The following ESRRG variants were observed in gnomAD, a reference collection of about 807,000 sequenced individuals.
ESRRG encodes estrogen-related receptor gamma.
ESRRG carries 13 observed loss-of-function variants against 44.0 expected under a neutral mutation model. That is an observed-to-expected ratio of 0.30 (90% confidence interval 0.19 to 0.47). The LOEUF (loss-of-function observed/expected upper bound fraction) is 0.47. ESRRG is among the 20% of genes least tolerant of loss of function. The probability of loss-of-function intolerance (pLI) is 1.00; values close to 1 mark genes in which losing one functional copy is unlikely to be tolerated. For missense variants in ESRRG, 395 were observed against 580.6 expected (o/e 0.68, Z 3.29); for synonymous variants, 215 against 214.6 (o/e 1.00, Z -0.02).
chr1:217,119,427 A>T (rs1481675125), intron 1 of ESRRG, among the ~76,000 whole-genome samples: 3 of 152,210 alleles, frequency 2.0e-5, no homozygotes, highest in Non-Finnish European at 4.4e-5. Context: ...GACCATGTAA[A>T]TCTGAATCCC....
chr1:216,907,346 G>T (rs140558612), intron 2 of ESRRG, among the ~76,000 whole-genome samples: 4 of 152,286 alleles, frequency 2.6e-5, no homozygotes, highest in African/African-American at 9.6e-5. Context: ...ACATTAACCA[G>T]ATAATTAATA....
intron 1 of ESRRG, among the ~76,000 whole-genome samples, chr1:217,107,634 C>T (rs1043607147): frequency 1.1e-4 from 16 of 152,158 alleles, no homozygotes; most frequent in African/African-American, 3.9e-4. Context: ...AAGGAAGTTA[C>T]CTATTAGATA....
intron 2 of ESRRG, among the ~76,000 whole-genome samples, chr1:216,738,381 G>C (rs950812504): frequency 1.3e-5 from 2 of 151,964 alleles, no homozygotes; most frequent in Admixed American, 6.6e-5. Context: ...AAGCAACTAA[G>C]GAGAAAAAAG....
intron 2 of ESRRG, among the ~76,000 whole-genome samples, chr1:216,823,776 G>A (rs1306662653): frequency 6.6e-6 from 1 of 152,102 alleles, no homozygotes; most frequent in Non-Finnish European, 1.5e-5. Flanking sequence ...CAAGGCATTA[G>A]ACTAAAATAG....
chr1:216,924,003 G>T (rs914277407), intron 2 of ESRRG, among the ~76,000 whole-genome samples: 1 of 152,186 alleles, frequency 6.6e-6, no homozygotes, highest in Non-Finnish European at 1.5e-5. Flanking sequence ...ATTTAGCTTT[G>T]CAAGAGCTTT....
In ESRRG at chr1:216,558,847, CTGTTTTT is replaced by C. The variant is rs199766097; in HGVS notation, c.862+5365_862+5371del. Among the ~76,000 whole-genome samples the C allele has an allele frequency of 7.0e-3, 1,063 of 151,704 alleles. 6 individuals carry two copies. Among genetic ancestry groups the C allele is most frequent in the African/African-American group, 0.014 (576 of 41,374 alleles). The stretch of plus-strand genomic sequence containing the variant: ...CCTTTAAATATTTCATAATTGTATT[CTGTTTTT>C]TGTTTTTTGTTTTTTGTTTTTTTGT... On this transcript the variant is annotated intron_variant, in intron 5 of 6. Coordinates refer to ENST00000408911, the MANE Select transcript of ESRRG (RefSeq NM_001438.4).
chr1:216,668,360 T>C (rs1279182645), intron 2 of ESRRG, among the ~76,000 whole-genome samples: 1 of 152,200 alleles, frequency 6.6e-6, no homozygotes, highest in East Asian at 1.9e-4. Context: ...TCTTACGTAG[T>C]GTCACCCAAC....
intron 2 of ESRRG, among the ~76,000 whole-genome samples, chr1:216,794,277 A>G (rs907083130): frequency 1.3e-5 from 2 of 152,174 alleles, no homozygotes; most frequent in Non-Finnish European, 2.9e-5. Flanking sequence ...CAGTATTTAC[A>G]CTCATTATGA....
intron 1 of ESRRG, among the ~76,000 whole-genome samples, chr1:216,704,803 C>G (rs574950516): frequency 3.0e-4 from 45 of 151,994 alleles, no homozygotes; most frequent in Middle Eastern, 3.4e-3. Flanking sequence ...AAACCCCCTA[C>G]CCACAGCCCA....
intron 1 of ESRRG, among the ~76,000 whole-genome samples, chr1:217,003,264 A>G (rs1280666367): frequency 6.6e-6 from 1 of 152,118 alleles, no homozygotes; most frequent in Non-Finnish European, 1.5e-5. Context: ...AGTGGATATG[A>G]ATAATGGCCA....
chr1:217,021,799 C>G (rs1434386371), intron 1 of ESRRG, among the ~76,000 whole-genome samples: 1 of 152,180 alleles, frequency 6.6e-6, no homozygotes, highest in Non-Finnish European at 1.5e-5. Context: ...CACTTAGCAT[C>G]CTTTGTGCAA....
intron 3 of ESRRG, among the ~76,000 whole-genome samples, chr1:216,650,732 C>T (rs548027131): frequency 6.6e-6 from 1 of 152,006 alleles, no homozygotes; most frequent in African/African-American, 2.4e-5. Flanking sequence ...GCACTACGGT[C>T]AAGCATACCT....
chr1:217,104,545 T>C (rs1367844873), intron 1 of ESRRG, among the ~76,000 whole-genome samples: 7 of 152,140 alleles, frequency 4.6e-5, no homozygotes, highest in Non-Finnish European at 1.5e-5. Context: ...AGGTGGGCAA[T>C]ACAAATGAAA....
rs533478345 is a variant in ESRRG, at chr1:217,007,121, A to G, written c.-105-67448T>C. Among the ~76,000 whole-genome samples, 2 of 152,288 alleles carry G rather than the reference A, an allele frequency of 1.3e-5. 1 individual carries two copies. Among genetic ancestry groups the G allele is most frequent in the African/African-American group, 4.8e-5 (2 of 41,584 alleles). On this transcript the variant is annotated intron_variant, in intron 1 of 7. Coordinates refer to the ESRRG transcript ENST00000359162. The stretch of plus-strand genomic sequence containing the variant: ...CAGAGATGATAGAGATTAAATTTAC[A>G]GGATACTCACAATGAGAGCAAAAGG...
intron 5 of ESRRG, among the ~76,000 whole-genome samples, chr1:216,544,125 T>A (rs761934636): frequency 3.3e-5 from 5 of 152,030 alleles, no homozygotes; most frequent in African/African-American, 4.8e-5. Context: ...CAAATGCAAG[T>A]GAATATTAAA....
rs945087763 is a variant in ESRRG at position 216,894,452 on chromosome 1, A to G, written c.-14+45130T>C. Among the ~76,000 whole-genome samples, 4 of 152,096 alleles carry G rather than the reference A, an allele frequency of 2.6e-5. No individual in the cohort carries two copies. The East Asian group carries it at 7.7e-4, about 29-fold the overall frequency. On this transcript the variant is annotated intron_variant, in intron 2 of 7. Coordinates refer to the ESRRG transcript ENST00000359162. The stretch of plus-strand genomic sequence containing the variant: ...CCAGGTCCTATGGTAGCTGGAGTGA[A>G]TCATCTATATTTACACAGCCCCTCA...
intron 2 of ESRRG, among the ~76,000 whole-genome samples, chr1:216,756,476 C>T (rs373825840): frequency 6.6e-5 from 10 of 151,940 alleles, no homozygotes; most frequent in African/African-American, 2.4e-4. Context: ...GGAGCTTCAA[C>T]GAGAGGAATT....
intron 3 of ESRRG, among the ~76,000 whole-genome samples, chr1:216,598,013 GAAT>G (rs1255878282): frequency 2.6e-5 from 4 of 152,046 alleles, no homozygotes; most frequent in African/African-American, 9.7e-5. Context: ...TTGTTTCAGT[GAAT>G]AATAATAACA....
rs945373814 is a variant in ESRRG at position 217,060,312 on chromosome 1, A to G, written c.-106+29195T>C. Among the ~76,000 whole-genome samples, 4 of 152,116 alleles carry G rather than the reference A, an allele frequency of 2.6e-5. No homozygotes were observed. The South Asian group carries it at 6.2e-4, about 24-fold the overall frequency. On this transcript the variant is annotated intron_variant, in intron 1 of 7. Transcript: ENST00000359162. Reference sequence around the variant, plus strand: ...AGTATAAAGCACATGGTTGAAGTGGAAAATAATGTTAGCAAATCATGATTG... The same window carrying G: ...AGTATAAAGCACATGGTTGAAGTGGGAAATAATGTTAGCAAATCATGATTG...
Sources: gnomAD v4.1 joint callset for allele counts (sites outside exome capture counted in the v4.1 genomes callset) on GRCh38, gnomAD v4.1.1 for gene constraint, MANE v1.5 for transcripts, NCBI Gene and HGNC (gene_info 2026-07-23, HGNC 2026-07-21) for gene names.